PCDHGB2: variants seen among roughly 807,000 people sequenced by gnomAD.
The protein encoded by PCDHGB2 is protocadherin gamma subfamily B, 2.
Under a neutral mutation model 59.3 loss-of-function variants are expected in PCDHGB2, and 55 were observed. The observed-to-expected ratio is 0.93, with a 90% CI of 0.75 to 1.16. PCDHGB2 has a LOEUF of 1.16. PCDHGB2 is among the 50% of genes most tolerant of loss of function. The pLI, the probability that PCDHGB2 is intolerant of heterozygous loss-of-function variation, is 0.00. For missense variants in PCDHGB2, 1,228 were observed against 1,198.5 expected (o/e 1.02, Z -0.36); for synonymous variants, 516 against 512.0 (o/e 1.01, Z -0.11).
chr5:141,424,184 C>A, intron 1 of PCDHGB2: 1 of 199,136 alleles, frequency 5.0e-6, no homozygotes, highest in Non-Finnish European at 9.9e-6. Context: ...TACACATGCA[C>A]ACACACTTAT....
chr5:141,470,707 TA>T (rs1207543665), intron 1 of PCDHGB2, among the ~76,000 whole-genome samples: 1 of 152,164 alleles, frequency 6.6e-6, no homozygotes, highest in African/African-American at 2.4e-5. Flanking sequence ...ATTTTTATTT[TA>T]TTTTTTTGAG....
chr5:141,399,627 CG>C (rs2093851448), intron 1 of PCDHGB2: 1 of 1,613,906 alleles, frequency 6.2e-7, no homozygotes, highest in Non-Finnish European at 8.5e-7. Context: ...TGGCCTCTTA[CG>C]TGTCCATGAG....
intron 1 of PCDHGB2, among the ~76,000 whole-genome samples, chr5:141,460,365 A>G (rs887924740): frequency 6.6e-6 from 1 of 152,180 alleles, no homozygotes; most frequent in African/African-American, 2.4e-5. Context: ...TAGAAGTTTT[A>G]TAGTTTTACC....
chr5:141,505,891 G>A (rs541853565), intron 3 of PCDHGB2, among the ~76,000 whole-genome samples: 9 of 152,288 alleles, frequency 5.9e-5, no homozygotes, highest in Admixed American at 5.9e-4. Context: ...GATTAAATGA[G>A]ATGATACCAC....
In PCDHGB2 at chr5:141,512,845, A is replaced by G. The variant is rs1166488780; in HGVS notation, c.*1672A>G. On this transcript the variant is annotated 3_prime_UTR_variant, in exon 4 of 4. Coordinates refer to ENST00000522605, the MANE Select transcript of PCDHGB2 (RefSeq NM_018923.3). ...CTCCCCCGTACTGACTTCTCCTATA[A>G]GCGCTTCTCTTCGCATAGTCACGTA... The G allele has an allele frequency of 6.6e-6, 1 of 152,156 alleles. No individual in the cohort carries two copies. Among genetic ancestry groups the G allele is most frequent in the African/African-American group, 2.4e-5 (1 of 41,380 alleles). 9.4% of individuals were successfully genotyped at this position (152,156 alleles called of 1,614,324 possible).
At chr5:141,415,352 C>T in intron 1 of PCDHGB2, 1 of 1,614,228 alleles carries the variant, frequency 6.2e-7, no homozygotes, top group Non-Finnish European at 8.5e-7. Context: ...TGGCACAAGT[C>T]ACGCCTGCTG....
intron 1 of PCDHGB2, chr5:141,376,385 C>T (rs1200175997): frequency 6.2e-7 from 1 of 1,614,120 alleles, no homozygotes; most frequent in Non-Finnish European, 8.5e-7. Flanking sequence ...TAAGAGTCAT[C>T]TGATTTTCCC....
Position 141,465,218 on chromosome 5 carries a change from A to G in PCDHGB2, c.2422-29589A>G, listed in dbSNP as rs151158068. ...ATAAAAATATAAGCTTTATTTTTCA[A>G]CATGAGCTCCATCAAGTTCAAGGCA... On this transcript the variant is annotated intron_variant, in intron 1 of 3. Coordinates refer to ENST00000522605, the MANE Select transcript of PCDHGB2 (RefSeq NM_018923.3). Among the ~76,000 whole-genome samples, 591 of 152,288 alleles carry G rather than the reference A, an allele frequency of 3.9e-3. 6 individuals carry two copies. The highest frequency in any genetic ancestry group is 0.011 in the Admixed American group (171 of 15,290).
intron 1 of PCDHGB2, among the ~76,000 whole-genome samples, chr5:141,472,357 C>T (rs1020143523): frequency 2.4e-4 from 37 of 152,012 alleles, no homozygotes; most frequent in Non-Finnish European, 1.5e-4. Context: ...CTGGCTAACA[C>T]GGTGAAACCC....
At chr5:141,394,801 C>A in intron 1 of PCDHGB2, 2 of 1,613,838 alleles carry the variant, frequency 1.2e-6, no homozygotes, top group Non-Finnish European at 1.7e-6. Flanking sequence ...CTCACCGTAG[C>A]CGTGGCTGAC....
intron 1 of PCDHGB2, chr5:141,415,217 GCTTCGAGTCT>G: frequency 2.5e-6 from 4 of 1,614,124 alleles, no homozygotes; most frequent in Non-Finnish European, 3.4e-6. Context: ...GACCTCGGCA[GCTTCGAGTCT>G]CCAGCTAACT....
At chr5:141,422,865 C>A in intron 1 of PCDHGB2, 6 of 1,614,244 alleles carry the variant, frequency 3.7e-6, no homozygotes, top group Non-Finnish European at 5.1e-6. Flanking sequence ...TCAGCAGCAA[C>A]GTGTCGCTGA....
intron 1 of PCDHGB2, chr5:141,394,500 C>A (rs1450931785): frequency 3.7e-6 from 6 of 1,614,124 alleles, no homozygotes; most frequent in Non-Finnish European, 5.1e-6. Context: ...GCCCGAGATC[C>A]TGTACCCCGC....
intron 1 of PCDHGB2, chr5:141,394,510 C>T (rs371348730): frequency 2.5e-6 from 4 of 1,614,098 alleles, no homozygotes; most frequent in Non-Finnish European, 3.4e-6. Flanking sequence ...CTGTACCCCG[C>T]CCTCCCCACA....
chr5:141,416,532 A>T (rs3806830), intron 1 of PCDHGB2: 1 of 152,142 alleles, frequency 6.6e-6, no homozygotes, highest in Non-Finnish European at 1.5e-5. Context: ...TCTTTAATGT[A>T]TAAGGAGGCA....
Position 141,486,970 on chromosome 5 carries a change from T to G in PCDHGB2, c.2422-7837T>G, listed in dbSNP as rs754309905. 1 of 1,614,050 alleles carries G rather than the reference T, an allele frequency of 6.2e-7. No individual in the cohort carries two copies. Among genetic ancestry groups the G allele is most frequent in the African/African-American group, 1.3e-5 (1 of 74,904 alleles). ...CAAAGGTGACTGCTGTGGACTTGGATTCAGGTTACAATGCTTGGGTTTCCT... is the reference window on the plus strand; with the variant it reads ...CAAAGGTGACTGCTGTGGACTTGGAGTCAGGTTACAATGCTTGGGTTTCCT... On this transcript the variant is annotated intron_variant, in intron 1 of 3. Coordinates refer to ENST00000522605, the MANE Select transcript of PCDHGB2 (RefSeq NM_018923.3). This position sits in a 1 kb window ranked among gnomAD's most constrained non-coding sequence, Gnocchi z 5.0.
chr5:141,473,860 A>G (rs184722742), intron 1 of PCDHGB2, among the ~76,000 whole-genome samples: 409 of 152,318 alleles, frequency 2.7e-3, no homozygotes, highest in Middle Eastern at 6.8e-3. Context: ...GAACCTCGCT[A>G]TTGTGGAGAA....
chr5:141,434,802 G>A (rs1009500775), intron 1 of PCDHGB2, among the ~76,000 whole-genome samples: 10 of 151,488 alleles, frequency 6.6e-5, no homozygotes, highest in African/African-American at 2.4e-4. Flanking sequence ...TTCTGAGCTT[G>A]GAGAAATATA....
intron 1 of PCDHGB2, among the ~76,000 whole-genome samples, chr5:141,460,640 TGTTTACACATA>T (rs2098994223): frequency 6.6e-6 from 1 of 152,096 alleles, no homozygotes; most frequent in Admixed American, 6.6e-5. Flanking sequence ...TATATAACTG[TGTTTACACATA>T]TGTAACTGTA....
Sources: gnomAD v4.1 joint callset for allele counts (sites outside exome capture counted in the v4.1 genomes callset) on GRCh38, gnomAD v4.1.1 for gene constraint, Gnocchi (gnomAD v3.1) non-coding constraint, MANE v1.5 for transcripts, NCBI Gene and HGNC (gene_info 2026-07-23, HGNC 2026-07-21) for gene names.